Variants in ZNF407 observed in about 807,000 individuals in gnomAD.
The protein encoded by ZNF407 is zinc finger protein 407.
ZNF407 carries 17 observed loss-of-function variants against 131.2 expected under a neutral mutation model. The ratio of observed to expected loss-of-function variants is 0.13; its 90% CI spans 0.09 to 0.19. The LOEUF (loss-of-function observed/expected upper bound fraction) is 0.19, where lower values mean the gene tolerates loss of function less well. Ranked by LOEUF, ZNF407 falls within the 10% of genes least tolerant of loss-of-function variation. The pLI is 1.00. For synonymous variants in ZNF407, 1,156 were observed against 1,062.0 expected (o/e 1.09, Z -1.72); for missense variants, 2,681 against 2,830.6 (o/e 0.95, Z 1.20).
In ZNF407 at chr18:74,633,174, G is replaced by A. The variant is rs376743856; in HGVS notation, c.2155G>A (p.Val719Ile). 1.2e-6 allele frequency: 2 copies of A among 1,613,520 alleles called. No homozygotes were observed. The highest frequency in any genetic ancestry group is 1.7e-6 in the Non-Finnish European group (2 of 1,179,728). The change falls in exon 2 of 9, where the codon GTT (valine) becomes ATT (isoleucine). Residue 719 changes from valine (V) to isoleucine (I), a missense_variant. Physicochemically the swap from Val to Ile is conservative, Grantham distance 29. Around this residue, in one of 6 missense-constraint regions of ZNF407, gnomAD observed 1,789 missense variants for 1,748.7 expected, o/e 1.02. Coordinates refer to ENST00000299687, the MANE Select transcript of ZNF407 (RefSeq NM_017757.3). ...TTTTTATAAAACAAGATCTTCTACT[G>A]TTCTCACGAGACATATAAAGCTTCG... ...KCFYKTRSST[V>I]LTRHIKLRHG... is the part of the protein sequence containing the mutation.
intron 7 of ZNF407, among the ~76,000 whole-genome samples, chr18:74,913,314 A>G (rs1318771267): frequency 6.6e-6 from 1 of 152,252 alleles, no homozygotes; most frequent in Non-Finnish European, 1.5e-5. Flanking sequence ...AATGCCCATC[A>G]GTGAAGAATC....
chr18:74,933,745 A>G (rs1038241013), intron 8 of ZNF407, among the ~76,000 whole-genome samples: 14 of 152,220 alleles, frequency 9.2e-5, no homozygotes, highest in African/African-American at 2.7e-4. Context: ...TACAAAAATT[A>G]TACTAAATGG....
intron 1 of ZNF407, among the ~76,000 whole-genome samples, chr18:74,620,570 A>G (rs1983470978): frequency 6.6e-6 from 1 of 152,240 alleles, no homozygotes; most frequent in African/African-American, 2.4e-5. Context: ...TTCTATTCCG[A>G]CATGAGTGAG....
intron 4 of ZNF407, among the ~76,000 whole-genome samples, chr18:74,843,718 T>A (rs1321252870): frequency 1.3e-5 from 2 of 152,210 alleles, no homozygotes; most frequent in Non-Finnish European, 2.9e-5. Flanking sequence ...TATCTTGGTT[T>A]ATGCTAGAAC....
At chr18:74,664,260 G>A (rs1243371895) in intron 3 of ZNF407, among the ~76,000 whole-genome samples, 1 of 152,220 alleles carries the variant, frequency 6.6e-6, no homozygotes, top group African/African-American at 2.4e-5. Flanking sequence ...AGCACTTCGG[G>A]AGGCCGAGGC....
intron 8 of ZNF407, among the ~76,000 whole-genome samples, chr18:74,947,527 G>A (rs373248769): frequency 2.1e-4 from 32 of 152,178 alleles, no homozygotes; most frequent in African/African-American, 4.6e-4. Context: ...TGAAAGTAAC[G>A]GAAGCTCAAG....
At chr18:75,049,550 G>A (rs996123239) in intron 8 of ZNF407, among the ~76,000 whole-genome samples, 2 of 152,146 alleles carry the variant, frequency 1.3e-5, no homozygotes, top group African/African-American at 4.8e-5. Flanking sequence ...TCTCCAAAAA[G>A]TGGTCGTTCA....
At chr18:74,734,567 A>G (rs8086166) in intron 3 of ZNF407, among the ~76,000 whole-genome samples, 136,047 of 151,994 alleles carry the variant, frequency 0.9, 60,955 homozygotes, top group Non-Finnish European at 0.9. Flanking sequence ...CATTGCCTTT[A>G]AGGAGGATAG....
chr18:74,788,971 C>T (rs895871673), intron 4 of ZNF407, among the ~76,000 whole-genome samples: 4 of 151,896 alleles, frequency 2.6e-5, no homozygotes, highest in Non-Finnish European at 5.9e-5. Flanking sequence ...GATAATAGGG[C>T]ATCTTATTTC....
At chr18:74,843,210 C>T (rs1460825762) in intron 4 of ZNF407, among the ~76,000 whole-genome samples, 1 of 152,128 alleles carries the variant, frequency 6.6e-6, no homozygotes, top group African/African-American at 2.4e-5. Flanking sequence ...TTAATTACTA[C>T]TTTTTGAGTG....
intron 8 of ZNF407, among the ~76,000 whole-genome samples, chr18:74,983,015 T>C (rs1489065801): frequency 6.6e-6 from 1 of 152,370 alleles, no homozygotes; most frequent in African/African-American, 2.4e-5. Context: ...GCTACTGTAA[T>C]AGCTTTTTAT....
chr18:74,713,489 TA>T (rs1411267195), intron 3 of ZNF407, among the ~76,000 whole-genome samples: 1 of 151,822 alleles, frequency 6.6e-6, no homozygotes, highest in African/African-American at 2.4e-5. Flanking sequence ...AAATAGATTT[TA>T]AATAATTATT....
At chr18:74,992,179 C>T (rs932343919) in intron 8 of ZNF407, among the ~76,000 whole-genome samples, 6 of 152,176 alleles carry the variant, frequency 3.9e-5, no homozygotes, top group African/African-American at 1.4e-4. Flanking sequence ...GAGTCTTGGC[C>T]TTCTGGAGTA....
chr18:74,633,267 G>A lies in ZNF407; in HGVS notation c.2248G>A (p.Glu750Lys). 1 of 1,613,224 alleles carries A rather than the reference G, an allele frequency of 6.2e-7. No homozygotes were observed. Among genetic ancestry groups the A allele is most frequent in the South Asian group, 1.1e-5 (1 of 90,834 alleles). Reference protein sequence around the residue: ...NLYSLSKEGMEKHIKRSKHLE... With the variant: ...NLYSLSKEGMKKHIKRSKHLE... ...TTATTCATTGAGCAAAGAAGGAATG[G>A]AGAAACACATTAAAAGAAGCAAGCA... The change falls in exon 2 of 9, where the codon GAG (glutamate) becomes AAG (lysine). Residue 750 changes from glutamate (E) to lysine (K), a missense_variant. Coordinates refer to ENST00000299687, the MANE Select transcript of ZNF407 (RefSeq NM_017757.3).
chr18:74,963,626 G>C (rs1305263985), intron 8 of ZNF407, among the ~76,000 whole-genome samples: 3 of 152,094 alleles, frequency 2.0e-5, no homozygotes, highest in African/African-American at 7.2e-5. Context: ...CTTAGAATTT[G>C]TTAAGAAGAG....
intron 3 of ZNF407, among the ~76,000 whole-genome samples, chr18:74,776,672 C>T (rs1969478695): frequency 6.6e-6 from 1 of 152,100 alleles, no homozygotes; most frequent in South Asian, 2.1e-4. Context: ...GAAACACAGC[C>T]AAACCCCCAT....
chr18:74,797,308 G>T (rs1168472050), intron 4 of ZNF407, among the ~76,000 whole-genome samples: 1 of 152,214 alleles, frequency 6.6e-6, no homozygotes, highest in Non-Finnish European at 1.5e-5. Flanking sequence ...TGGTTTGCTT[G>T]TCGTTAAAAT....
intron 3 of ZNF407, among the ~76,000 whole-genome samples, chr18:74,738,642 G>A (rs892398941): frequency 1.3e-5 from 2 of 151,902 alleles, no homozygotes; most frequent in South Asian, 4.2e-4. Flanking sequence ...GTGAGGCTGG[G>A]GCAGGAGAAT....
Position 74,697,716 on chromosome 18 carries a change from A to C in ZNF407, c.4802+56594A>C, listed in dbSNP as rs376576582. 9.8e-5 allele frequency among the ~76,000 whole-genome samples: 15 copies of C among 152,318 alleles called. No individual in the cohort carries two copies. In the East Asian group the frequency reaches 1.2e-3, roughly 12 times the overall value. On this transcript the variant is annotated intron_variant, in intron 3 of 8. Transcript: ENST00000299687. ...CTACTTAATTAAAAATTAAATGATG[A>C]ATTAAAACTTAGATTATTCAAAACT... is the stretch of plus-strand genomic sequence containing the variant.
Sources: allele counts gnomAD v4.1 joint callset (sites outside exome capture counted in the v4.1 genomes callset), GRCh38; gene constraint gnomAD v4.1.1; regional missense constraint gnomAD v4.1.1; transcripts MANE v1.5; gene names NCBI Gene and HGNC (gene_info 2026-07-23, HGNC 2026-07-21).